The following KRT73 variants were observed in gnomAD, a reference collection of about 807,000 sequenced individuals.
The protein encoded by KRT73 is keratin, type II cytoskeletal 73.
In KRT73, 44 loss-of-function variants were observed where a neutral mutation model predicts 47.2. The observed-to-expected ratio is 0.93, with a 90% CI of 0.73 to 1.20. The LOEUF is 1.20. Among genes scored for constraint, KRT73 ranks in the 50% most tolerant of loss-of-function variants. The pLI, the probability that KRT73 is intolerant of heterozygous loss-of-function variation, is 0.00. For synonymous variants in KRT73, 285 were observed against 291.3 expected, an observed-to-expected ratio of 0.98 and a Z score of 0.22; for missense variants, 713 against 704.5, an observed-to-expected ratio of 1.01 and a Z score of -0.14.
Position 52,614,083 on chromosome 12 carries a change from C to T in KRT73, c.820-231G>A, listed in dbSNP as rs570462890. ...AGAAAACAGCCCATATGTCTGTCCC[C>T]TGAGACAGGACAGGAGTGGGGAAGG... On this transcript the variant is annotated intron_variant, in intron 4 of 8. Coordinates refer to ENST00000305748, the MANE Select transcript of KRT73 (RefSeq NM_175068.3). 4.5e-5 allele frequency: 23 copies of T among 509,404 alleles called. No individual in the cohort carries two copies. The East Asian group carries it at 7.1e-4, about 16-fold the overall frequency. 31.6% of individuals were successfully genotyped at this position (509,404 alleles called of 1,614,324 possible).
At chr12:52,628,746 G>C in the KRT73 span, among the ~76,000 whole-genome samples, 1 of 152,214 alleles carries the variant, frequency 6.6e-6, no homozygotes, top group Non-Finnish European at 1.5e-5. Context: ...GGCCCACTGA[G>C]AGGGGCTTTC....
chr12:52,611,135 G>T, intron 6 of KRT73, 69 bp downstream of exon 6: 1 of 1,567,354 alleles, frequency 6.4e-7, no homozygotes. Context: ...AGAGAAGGAG[G>T]GGGCAGGGGG....
chr12:52,614,585 G>T lies in KRT73; in HGVS notation c.813C>A (p.Tyr271Ter). 6.2e-7 allele frequency: 1 copy of T among 1,613,456 alleles called. No individual in the cohort carries two copies. The highest frequency in any genetic ancestry group is 8.5e-7 in the Non-Finnish European group (1 of 1,179,614). The change falls in exon 4 of 9, where the codon TAC becomes TAA. Residue 271 changes from tyrosine to a stop codon, truncating the protein, a stop_gained. Coordinates refer to ENST00000305748, the MANE Select transcript of KRT73 (RefSeq NM_175068.3). LOFTEE classifies it high-confidence loss of function. ...GGGGCAGGGGGAGCCTTACCCCCTC[G>T]TACAGACACTTGAAGAACTTGATTT... The part of the protein sequence containing the change: ...DGEIKFFKCL[Y>*]EGETAQIQSH...
At chr12:52,622,208 C>T (rs1235911423), upstream of KRT73, among the ~76,000 whole-genome samples, 4 of 152,084 alleles carry the variant, frequency 2.6e-5, no homozygotes, top group Non-Finnish European at 5.9e-5. Context: ...GATTTCAAAG[C>T]AGCCACAATA....
intron 6 of KRT73, 153 bp from the exon 7 acceptor site, chr12:52,610,988 C>T (rs1565628550): frequency 3.4e-6 from 3 of 887,482 alleles, no homozygotes; most frequent in East Asian, 2.6e-5. Flanking sequence ...CAACCTGAGA[C>T]TGAGAGGCTT....
At position 52,616,393 on chromosome 12, in the gene KRT73, C is replaced by T; in HGVS notation, c.448-13G>A. 2.5e-6 allele frequency: 4 copies of T among 1,614,042 alleles called. No individual in the cohort carries two copies. The highest frequency in any genetic ancestry group is 3.4e-6 in the Non-Finnish European group (4 of 1,179,958). On this transcript the variant is annotated splice_polypyrimidine_tract_variant and intron_variant, in intron 1 of 8. Transcript: ENST00000305748. Reference sequence around the variant, plus strand: ...CCAGGAACCGCACCTGGAACCCATGCCACACATACTTAAGCAATGTGGAGA... The same window carrying T: ...CCAGGAACCGCACCTGGAACCCATGTCACACATACTTAAGCAATGTGGAGA...
chr12:52,626,593 C>G, the KRT73 span, among the ~76,000 whole-genome samples: 18 of 152,198 alleles, frequency 1.2e-4, no homozygotes, highest in Non-Finnish European at 2.4e-4. Flanking sequence ...TCAAGGGAGG[C>G]TGGGAAATGT....
Position 52,611,295 on chromosome 12 carries a change from C to T in KRT73, c.1019G>A (p.Gly340Glu), listed in dbSNP as rs757991985. The T allele has an allele frequency of 1.9e-6, 3 of 1,614,124 alleles. No homozygotes were observed. Among genetic ancestry groups the T allele is most frequent in the Non-Finnish European group, 2.5e-6 (3 of 1,180,022 alleles). ...QELQLAAGRH[G>E]DDLKHTKNEI... ...ATTTTTGGTGTGTTTCAGGTCATCC[C>T]CATGCCGGCCGGCTGCTAGCTGCAG... Residue 340 changes from glycine (G) to glutamate (E), a missense_variant, in exon 6 of 9, where the codon GGG (glycine) becomes GAG (glutamate). Gly to Glu is a moderately conservative substitution (Grantham distance 98, BLOSUM62 -2). Transcript: ENST00000305748.
chr12:52,609,385 C>T, intron 7 of KRT73, 104 bp from the exon 8 acceptor site: 1 of 902,884 alleles, frequency 1.1e-6, no homozygotes, highest in Non-Finnish European at 1.9e-6. Context: ...CCAGCTCAGC[C>T]TTCACGCACC....
At chr12:52,625,554 G>A in the KRT73 span, among the ~76,000 whole-genome samples, 1 of 150,734 alleles carries the variant, frequency 6.6e-6, no homozygotes, top group African/African-American at 2.5e-5. Context: ...AAATGGCACA[G>A]CCACTCTGGA....
chr12:52,613,930 G>A, intron 4 of KRT73, 78 bp from the exon 5 acceptor site: 1 of 1,570,246 alleles, frequency 6.4e-7, no homozygotes, highest in African/African-American at 1.3e-5. Flanking sequence ...TGTCCCAGAG[G>A]GATGGCCCTA....
At position 52,610,793 on chromosome 12, in the gene KRT73, C is replaced by T. The variant is rs138607698; in HGVS notation, c.1153G>A (p.Gly385Arg). 1 of 1,613,496 alleles carries T rather than the reference C, an allele frequency of 6.2e-7. No homozygotes were observed. The highest frequency in any genetic ancestry group is 8.5e-7 in the Non-Finnish European group (1 of 1,179,994). The change falls in exon 7 of 9, where the codon GGG (glycine) becomes AGG (arginine). Residue 385 changes from glycine to arginine, a missense_variant. Physicochemically the swap from Gly to Arg is moderately radical, Grantham distance 125. Transcript: ENST00000305748. ...CTGGCATCCTTGAGGGCACAGTCCCCCCGCTGCTCGGCGTCAGCGATGGCC... is the reference window on the plus strand; with the variant it reads ...CTGGCATCCTTGAGGGCACAGTCCCTCCGCTGCTCGGCGTCAGCGATGGCC... The part of the protein sequence containing the change: ...ETAIADAEQR[G>R]DCALKDARAK...
chr12:52,608,499 A>T, intron 8 of KRT73, 47 bp from the exon 9 acceptor site: 2 of 1,513,514 alleles, frequency 1.3e-6, no homozygotes, highest in Non-Finnish European at 1.8e-6. Context: ...CCCAGGACAG[A>T]GGTGGCCTTA....
At chr12:52,628,980 T>C in the KRT73 span, among the ~76,000 whole-genome samples, 2 of 152,152 alleles carry the variant, frequency 1.3e-5, no homozygotes, top group African/African-American at 2.4e-5. Context: ...GTTGGAGACC[T>C]GGACTCTCAT....
the KRT73 span, among the ~76,000 whole-genome samples, chr12:52,629,485 G>A: frequency 1.3e-5 from 2 of 152,202 alleles, no homozygotes; most frequent in Non-Finnish European, 2.9e-5. Flanking sequence ...AACCTCCACA[G>A]GGCCACGGAC....
In KRT73 at chr12:52,613,765, T is replaced by A; in HGVS notation, c.907A>T (p.Ile303Phe). 1 of 1,610,220 alleles carries A rather than the reference T, an allele frequency of 6.2e-7. No individual in the cohort carries two copies. The highest frequency in any genetic ancestry group is 1.1e-5 in the South Asian group (1 of 91,002). The change falls in exon 5 of 9, where the codon ATT becomes TTT. Residue 303 changes from isoleucine to phenylalanine, a missense_variant. Transcript: ENST00000305748. ...NNRNLDLDSI[I>F]AEVRAQYEEI... ...TCATACTGGGCACGGACCTCAGCAA[T>A]GATGCTGTCCAGGTCCAGGTTCCGG... is the stretch of plus-strand genomic sequence containing the variant.
rs1199557787 is a variant in KRT73, at chr12:52,608,116, G to C, written c.*80C>G. 1 of 1,454,968 alleles carries C rather than the reference G, an allele frequency of 6.9e-7. No homozygotes were observed. Among genetic ancestry groups the C allele is most frequent in the Non-Finnish European group, 9.3e-7 (1 of 1,073,186 alleles). The allele number at this position is 1,454,968 out of a possible 1,614,324, so 90.1% of individuals were successfully genotyped here. ...GCAAGAAGGAGATGAGGACAAATGA[G>C]ACAGAGGAATTTCCTAGAAGAGTCC... is the stretch of plus-strand genomic sequence containing the variant. On this transcript the variant is annotated 3_prime_UTR_variant, in exon 9 of 9. Transcript: ENST00000305748.
intron 7 of KRT73, 82 bp downstream of exon 7, chr12:52,610,529 GCCCC>G: frequency 1.0e-5 from 3 of 295,152 alleles, no homozygotes; most frequent in Admixed American, 4.4e-5. Flanking sequence ...CCAGCTCGCC[GCCCC>G]CTCCCCCCCG....
At chr12:52,608,805 A>G (rs1940637544) in intron 8 of KRT73, among the ~76,000 whole-genome samples, 1 of 152,222 alleles carries the variant, frequency 6.6e-6, no homozygotes, top group Non-Finnish European at 1.5e-5. Context: ...TGTTAAAATT[A>G]GGGAGTTTCT....
Sources: allele counts gnomAD v4.1 joint callset (sites outside exome capture counted in the v4.1 genomes callset), GRCh38; gene constraint gnomAD v4.1.1; transcripts MANE v1.5; gene names NCBI Gene and HGNC (gene_info 2026-07-23, HGNC 2026-07-21).